UIMC1: variants seen among roughly 807,000 people sequenced by gnomAD.
UIMC1 encodes ubiquitin interaction motif containing 1.
UIMC1 carries 42 observed loss-of-function variants against 84.9 expected under a neutral mutation model. The observed-to-expected ratio is 0.49, with a 90% CI of 0.39 to 0.64. The LOEUF is 0.64. UIMC1 is among the 30% of genes least tolerant of loss of function. UIMC1 has a pLI of 0.00. For synonymous variants in UIMC1, 281 were observed against 293.0 expected (o/e 0.96, Z 0.42); for missense variants, 825 against 847.6 (o/e 0.97, Z 0.33).
At chr5:176,976,796 C>CTAATGAAAATGGGTTTTTTCTGGGAG (rs1398049251) in intron 2 of UIMC1, among the ~76,000 whole-genome samples, 5 of 152,214 alleles carry the variant, frequency 3.3e-5, no homozygotes, top group African/African-American at 1.2e-4. Flanking sequence ...AGAGTAACTG[C>CTAATGAAAATGGGTTTTTTCTGGGAG]TAATGAAAAT....
At chr5:176,943,717 G>A (rs1764739268) in intron 9 of UIMC1, among the ~76,000 whole-genome samples, 1 of 152,122 alleles carries the variant, frequency 6.6e-6, no homozygotes, top group South Asian at 2.1e-4. Context: ...TCGTTTATCA[G>A]TAAGTTTATA....
chr5:176,914,795 T>C (rs921631041), intron 10 of UIMC1, among the ~76,000 whole-genome samples: 25 of 152,220 alleles, frequency 1.6e-4, no homozygotes, highest in African/African-American at 5.5e-4. Flanking sequence ...TTCCTTCCAA[T>C]GCAGAGATTT....
chr5:176,971,791 C>T (rs1769271897), intron 3 of UIMC1, among the ~76,000 whole-genome samples: 1 of 151,930 alleles, frequency 6.6e-6, no homozygotes, highest in Non-Finnish European at 1.5e-5. Flanking sequence ...TGCCTGTAAT[C>T]CCAGCTACTT....
rs769478692 is a variant in UIMC1, at chr5:176,908,534, T to C, written c.1837A>G (p.Lys613Glu). 6.2e-7 allele frequency: 1 copy of C among 1,613,724 alleles called. No individual in the cohort carries two copies. The highest frequency in any genetic ancestry group is 8.5e-7 in the Non-Finnish European group (1 of 1,179,878). ...CACTCTACACATACCTTTGGGTTCT[T>C]CAGCCTCTGCTGCCACTTCCCCTCC... ...TVEGKWQQRL[K>E]NPKEKGHSEG... Residue 613 changes from lysine to glutamate, a missense_variant, in exon 12 of 15, where the codon AAG becomes GAG. By Grantham distance (56) the Lys-to-Glu change is moderately conservative. Transcript: ENST00000511320.
At chr5:176,983,322 T>C (rs2149507517) in intron 1 of UIMC1, among the ~76,000 whole-genome samples, 2 of 146,082 alleles carry the variant, frequency 1.4e-5, no homozygotes, top group South Asian at 4.7e-4. Flanking sequence ...GCAACCTCCC[T>C]GCCTCAGGCT....
intron 10 of UIMC1, among the ~76,000 whole-genome samples, chr5:176,927,774 C>T (rs1211345220): frequency 1.3e-5 from 2 of 148,946 alleles, no homozygotes; most frequent in African/African-American, 5.0e-5. Flanking sequence ...CAAAAAAAAA[C>T]AAAACAAAAC....
chr5:176,951,670 G>C (rs1214883274), intron 8 of UIMC1, 93 bp from the exon 9 acceptor site: 1 of 902,146 alleles, frequency 1.1e-6, no homozygotes, highest in Non-Finnish European at 1.6e-6. Context: ...TAAAGTTTAG[G>C]ATATGACAAT....
At chr5:176,965,118 A>C (rs1313805441) in intron 6 of UIMC1, among the ~76,000 whole-genome samples, 4 of 152,162 alleles carry the variant, frequency 2.6e-5, no homozygotes, top group Non-Finnish European at 5.9e-5. Context: ...GCCTGGTTAT[A>C]GTTCTATTTT....
At chr5:176,975,824 G>A (rs569481038) in intron 2 of UIMC1, among the ~76,000 whole-genome samples, 44 of 152,240 alleles carry the variant, frequency 2.9e-4, no homozygotes, top group Non-Finnish European at 6.0e-4. Context: ...TAAACTCAGC[G>A]TGTATTCATT....
Position 176,905,732 on chromosome 5 carries a change from A to G in UIMC1, c.1950-240T>C, listed in dbSNP as rs942469947. The G allele has an allele frequency of 1.7e-4, 107 of 629,694 alleles. 1 individual carries two copies. Among genetic ancestry groups the G allele is most frequent in the Middle Eastern group, 1.3e-3 (3 of 2,340 alleles). 39.0% of individuals were successfully genotyped at this position (629,694 alleles called of 1,614,324 possible). On this transcript the variant is annotated intron_variant, in intron 14 of 14. Coordinates refer to ENST00000511320, the MANE Select transcript of UIMC1 (RefSeq NM_001199298.2). ...GAGATCCAAATTCCCAAGCTGCTTG[A>G]GAATCCAGGTCAGAAAACCAGGGTT...
chr5:176,920,433 A>G (rs1761562315), intron 10 of UIMC1, among the ~76,000 whole-genome samples: 1 of 152,192 alleles, frequency 6.6e-6, no homozygotes, highest in Admixed American at 6.5e-5. Flanking sequence ...ATACCATTCC[A>G]TTTATTTAGG....
At chr5:176,929,519 A>G (rs1762826709) in intron 10 of UIMC1, among the ~76,000 whole-genome samples, 1 of 152,086 alleles carries the variant, frequency 6.6e-6, no homozygotes. Context: ...GTGAGCCGAA[A>G]TCGTGCCACT....
At chr5:176,956,629 T>C (rs997144364) in intron 7 of UIMC1, among the ~76,000 whole-genome samples, 1 of 152,092 alleles carries the variant, frequency 6.6e-6, no homozygotes, top group Non-Finnish European at 1.5e-5. Context: ...AACCTTCTGG[T>C]TTTCCCTGAC....
chr5:176,940,431 T>A (rs1361660060), intron 10 of UIMC1, among the ~76,000 whole-genome samples: 1 of 152,204 alleles, frequency 6.6e-6, no homozygotes, highest in Non-Finnish European at 1.5e-5. Context: ...AACTCATTTA[T>A]TTCTGGACCT....
chr5:177,020,345 C>T (rs948322000), intron 1 of UIMC1, among the ~76,000 whole-genome samples: 2 of 152,254 alleles, frequency 1.3e-5, no homozygotes. Context: ...AGAGGCTTCT[C>T]CTGATGCCAC....
Position 176,969,578 on chromosome 5 carries a change from GGAGTCA to G in UIMC1, c.463+17_463+22del, listed in dbSNP as rs1350175634. ...GTACAGTTATACTTGATGAATGGAA[GGAGTCA>G]GAACAGGGAGACATGCCTTCAGTGA... On this transcript the variant is annotated intron_variant, in intron 5 of 14. Coordinates refer to ENST00000511320, the MANE Select transcript of UIMC1 (RefSeq NM_001199298.2). The G allele has an allele frequency of 6.2e-7, 1 of 1,604,114 alleles. No individual in the cohort carries two copies. Among genetic ancestry groups the G allele is most frequent in the African/African-American group, 1.3e-5 (1 of 74,708 alleles).
At position 176,997,777 on chromosome 5, in the gene UIMC1, TCCCGTATTATCTG is replaced by T. The variant is rs201146859; in HGVS notation, c.-9+8860_-9+8872del. On this transcript the variant is annotated intron_variant, in intron 1 of 14. Transcript: ENST00000511320. ...CTCTTAACATAGTCTACAAAGTATG[TCCCGTATTATCTG>T]CCCTCCTGCCAGATTGCTCTTTCTA... 9.0e-3 allele frequency among the ~76,000 whole-genome samples: 1,367 copies of T among 152,048 alleles called. 7 individuals are homozygous for T. The highest frequency in any genetic ancestry group is 0.025 in the South Asian group (119 of 4,816).
At chr5:176,919,296 C>G (rs1761413956) in intron 10 of UIMC1, 1 of 188,612 alleles carries the variant, frequency 5.3e-6, no homozygotes, top group African/African-American at 2.4e-5. Context: ...GGATACTAAA[C>G]CCTTAACATA....
At chr5:176,977,738 CCT>C (rs1418124705) in intron 2 of UIMC1, among the ~76,000 whole-genome samples, 2 of 151,714 alleles carry the variant, frequency 1.3e-5, no homozygotes, top group East Asian at 1.9e-4. Context: ...GGTAAAACCC[CCT>C]CTCTACTAAA....
Sources: allele counts gnomAD v4.1 joint callset (sites outside exome capture counted in the v4.1 genomes callset), GRCh38; gene constraint gnomAD v4.1.1; transcripts MANE v1.5; gene names NCBI Gene and HGNC (gene_info 2026-07-23, HGNC 2026-07-21).